The following KYNU variants were observed in gnomAD, a reference collection of about 807,000 sequenced individuals.
KYNU encodes L-kynurenine hydrolase.
In KYNU, 54 loss-of-function variants were observed where a neutral mutation model predicts 59.2. That is an observed-to-expected ratio of 0.91 (90% CI 0.73 to 1.14). The LOEUF (loss-of-function observed/expected upper bound fraction) is 1.14, where lower values mean the gene tolerates loss of function less well. Ranked by LOEUF, KYNU falls within the 50% of genes most tolerant of loss-of-function variation. The pLI, the probability that KYNU is intolerant of heterozygous loss-of-function variation, is 0.00. For missense variants in KYNU, 567 were observed against 554.4 expected (o/e 1.02, Z -0.23); for synonymous variants, 177 against 192.0 (o/e 0.92, Z 0.65).
intron 8 of KYNU, among the ~76,000 whole-genome samples, chr2:142,965,474 A>G (rs1684498256): frequency 6.6e-6 from 1 of 152,124 alleles, no homozygotes; most frequent in Non-Finnish European, 1.5e-5. Flanking sequence ...CCACTCAGCA[A>G]CTCAATTATG....
chr2:142,920,205 T>G (rs1300058053), intron 3 of KYNU, among the ~76,000 whole-genome samples: 1 of 152,178 alleles, frequency 6.6e-6, no homozygotes. Flanking sequence ...TTTATATAAT[T>G]TATTAATCAT....
rs149295829 is a variant in KYNU at position 142,978,332 on chromosome 2, A to G, written c.730-6752A>G. On this transcript the variant is annotated intron_variant, in intron 8 of 13. Transcript: ENST00000264170. ...TTAAAAAGTAATATTGTCCAAATTT[A>G]TAGCACTGTAGTTCTTGGATTGTTT... Among the ~76,000 whole-genome samples, 84 of 152,316 alleles carry G rather than the reference A, an allele frequency of 5.5e-4. 1 individual carries two copies. The highest frequency in any genetic ancestry group is 6.8e-3 in the Middle Eastern group (2 of 294).
intron 1 of KYNU, among the ~76,000 whole-genome samples, chr2:142,878,982 T>C (rs1240348675): frequency 2.6e-5 from 4 of 152,212 alleles, no homozygotes; most frequent in Non-Finnish European, 5.9e-5. Flanking sequence ...GTCCCCCGTC[T>C]TGATAAAATT....
intron 5 of KYNU, among the ~76,000 whole-genome samples, chr2:142,955,727 A>G (rs999644250): frequency 6.6e-6 from 1 of 152,056 alleles, no homozygotes; most frequent in Non-Finnish European, 1.5e-5. Context: ...ATTGTTGTCA[A>G]TATCACTCTC....
intron 4 of KYNU, 43 bp downstream of exon 4, chr2:142,927,784 A>T (rs1388142091): frequency 7.7e-7 from 1 of 1,293,826 alleles, no homozygotes; most frequent in African/African-American, 1.5e-5. Flanking sequence ...AATTGTAAAG[A>T]TGTTATCATT....
Position 142,926,772 on chromosome 2 carries a change from A to G in KYNU, c.291-887A>G, listed in dbSNP as rs1004553408. Among the ~76,000 whole-genome samples the G allele has an allele frequency of 4.6e-5, 7 of 152,330 alleles. No homozygotes were observed. The South Asian group carries it at 1.4e-3, about 32-fold the overall frequency. Reference sequence around the variant, plus strand: ...TTGCCCTAACCAACAAGGTGACAGCATTACACACCAGGCTTGGGAAAAAAA... The same window carrying G: ...TTGCCCTAACCAACAAGGTGACAGCGTTACACACCAGGCTTGGGAAAAAAA... On this transcript the variant is annotated intron_variant, in intron 3 of 13. Transcript: ENST00000264170.
rs1424376598 is a variant in KYNU at position 143,046,912 on chromosome 2, C to A, written c.*4740C>A. On this transcript the variant is annotated 3_prime_UTR_variant, in exon 14 of 14. Transcript: ENST00000264170. ...TTGGAAGAATTGACTCAATAGTGAGCCTTCCTACCCAAGACCATGGCATTT... is the reference window on the plus strand; with the variant it reads ...TTGGAAGAATTGACTCAATAGTGAGACTTCCTACCCAAGACCATGGCATTT... 2 of 152,090 alleles carry A rather than the reference C, an allele frequency of 1.3e-5. No individual in the cohort carries two copies. The highest frequency in any genetic ancestry group is 2.9e-5 in the Non-Finnish European group (2 of 68,018). 9.4% of individuals were successfully genotyped at this position (152,090 alleles called of 1,614,324 possible). A position where few individuals can be genotyped will look rare whatever the true frequency, so the allele number is the denominator to read the frequency against.
At chr2:143,005,974 C>A (rs140973431) in intron 10 of KYNU, among the ~76,000 whole-genome samples, 5 of 152,192 alleles carry the variant, frequency 3.3e-5, no homozygotes, top group African/African-American at 1.2e-4. Context: ...TAAGTAGAGT[C>A]TAGAATACTA....
chr2:142,932,183 G>A (rs903115286), intron 4 of KYNU, among the ~76,000 whole-genome samples: 30 of 152,194 alleles, frequency 2.0e-4, no homozygotes, highest in Admixed American at 3.9e-4. Context: ...TGAGAATAGG[G>A]TGGAAAAGTT....
At chr2:143,012,849 C>G (rs1409780021) in intron 10 of KYNU, among the ~76,000 whole-genome samples, 1 of 152,200 alleles carries the variant, frequency 6.6e-6, no homozygotes. Context: ...ACCTACCTGT[C>G]TGCATTTTCT....
At chr2:142,953,311 A>T (rs1293461822) in intron 4 of KYNU, among the ~76,000 whole-genome samples, 1 of 152,226 alleles carries the variant, frequency 6.6e-6, no homozygotes, top group East Asian at 1.9e-4. Flanking sequence ...AGGGAACGGC[A>T]AGAATGCTAT....
intron 8 of KYNU, among the ~76,000 whole-genome samples, chr2:142,968,915 A>C (rs1684628556): frequency 6.6e-6 from 1 of 150,674 alleles, no homozygotes; most frequent in South Asian, 2.1e-4. Flanking sequence ...TCTGTCTCTA[A>C]ATAAATAAAT....
intron 10 of KYNU, among the ~76,000 whole-genome samples, chr2:143,007,455 A>T (rs1685949955): frequency 7.4e-6 from 1 of 134,328 alleles, no homozygotes; most frequent in African/African-American, 3.0e-5. Flanking sequence ...AGTGATGGGG[A>T]GAATGGAACC....
At chr2:142,926,588 G>C (rs899695095) in intron 3 of KYNU, among the ~76,000 whole-genome samples, 1 of 152,222 alleles carries the variant, frequency 6.6e-6, no homozygotes, top group East Asian at 1.9e-4. Context: ...TGTAGAGGAA[G>C]AGTTCCAGTT....
chr2:143,024,411 T>C (rs1404891061), intron 10 of KYNU, among the ~76,000 whole-genome samples: 1 of 152,066 alleles, frequency 6.6e-6, no homozygotes, highest in African/African-American at 2.4e-5. Flanking sequence ...TTGGCTGACT[T>C]AAGTTCTTTT....
intron 8 of KYNU, among the ~76,000 whole-genome samples, chr2:142,968,508 A>G (rs1190551701): frequency 2.0e-5 from 3 of 152,212 alleles, no homozygotes; most frequent in Non-Finnish European, 2.9e-5. Flanking sequence ...TCAAAGAGCC[A>G]TATTTATATT....
chr2:143,009,176 GA>G (rs1459050682), intron 10 of KYNU, among the ~76,000 whole-genome samples: 133 of 68,748 alleles, frequency 1.9e-3, no homozygotes, highest in Non-Finnish European at 2.8e-3. Context: ...GACTAATAAA[GA>G]AAAAAAGAGA....
intron 10 of KYNU, among the ~76,000 whole-genome samples, chr2:143,006,902 T>A (rs1334887082): frequency 6.6e-6 from 1 of 151,804 alleles, no homozygotes; most frequent in Admixed American, 6.6e-5. Flanking sequence ...CAAAAACCCA[T>A]CTGTACATCA....
chr2:142,989,026 G>A (rs551745107), intron 10 of KYNU: 9 of 703,888 alleles, frequency 1.3e-5, no homozygotes, highest in Admixed American at 2.4e-5. Flanking sequence ...TACCACCTGT[G>A]AGAAGAGTGA....
Sources: gnomAD v4.1 joint callset for allele counts (sites outside exome capture counted in the v4.1 genomes callset) on GRCh38, gnomAD v4.1.1 for gene constraint, MANE v1.5 for transcripts, NCBI Gene and HGNC (gene_info 2026-07-23, HGNC 2026-07-21) for gene names.